GRIK1: variants seen among roughly 807,000 people sequenced by gnomAD.
GRIK1 encodes the protein glutamate ionotropic receptor kainate type subunit 1.
In GRIK1, 69 loss-of-function variants were observed where a neutral mutation model predicts 105.7. That is an observed-to-expected ratio of 0.65 (90% CI 0.54 to 0.80). The LOEUF is 0.80. GRIK1 is among the 30% of genes least tolerant of loss of function. GRIK1 has a pLI of 0.00. For synonymous variants in GRIK1, 438 were observed against 431.3 expected (o/e 1.02, Z -0.19); for missense variants, 1,109 against 1,167.3 (o/e 0.95, Z 0.73).
chr21:29,854,284 G>A (rs146314231), intron 1 of GRIK1, among the ~76,000 whole-genome samples: 3 of 152,076 alleles, frequency 2.0e-5, no homozygotes, highest in Non-Finnish European at 4.4e-5. Context: ...TGTACTCTTT[G>A]CTTTGGTGAT....
intron 1 of GRIK1, among the ~76,000 whole-genome samples, chr21:29,702,884 TG>T (rs11307722): frequency 1 from 152,324 of 152,324 alleles, 76,162 homozygotes; most frequent in Non-Finnish European, 1. Flanking sequence ...TTCTGGCCTC[TG>T]GGGATCTGTG....
At chr21:29,849,182 G>T (rs1042490871) in intron 1 of GRIK1, among the ~76,000 whole-genome samples, 1 of 151,616 alleles carries the variant, frequency 6.6e-6, no homozygotes, top group African/African-American at 2.4e-5. Flanking sequence ...TATTTTATTA[G>T]GTTTTAAAAC....
intron 1 of GRIK1, among the ~76,000 whole-genome samples, chr21:29,758,470 C>T (rs906965416): frequency 1.3e-5 from 2 of 152,098 alleles, no homozygotes; most frequent in African/African-American, 2.4e-5. Context: ...GAGAACAGCA[C>T]GGGAAAGACC....
In GRIK1 at chr21:29,661,902, A is replaced by G. The variant is rs2062971406; in HGVS notation, c.727-7039T>C. Reference sequence around the variant, plus strand: ...TTACACGTGTTAACCACATGCATGTACACAGGTGATAAGCTAACCACAAGT... The same window carrying G: ...TTACACGTGTTAACCACATGCATGTGCACAGGTGATAAGCTAACCACAAGT... On this transcript the variant is annotated intron_variant, in intron 4 of 17. Coordinates refer to ENST00000327783, the MANE Select transcript of GRIK1 (RefSeq NM_001330994.2). 4.6e-5 allele frequency among the ~76,000 whole-genome samples: 7 copies of G among 152,226 alleles called. No homozygotes were observed. In the South Asian group the frequency reaches 1.4e-3, roughly 32 times the overall value.
At chr21:29,590,040 C>T (rs923254311) in intron 10 of GRIK1, among the ~76,000 whole-genome samples, 2 of 152,192 alleles carry the variant, frequency 1.3e-5, no homozygotes, top group South Asian at 4.1e-4. Context: ...CACTTCCCTA[C>T]TACCATGCAT....
intron 7 of GRIK1, among the ~76,000 whole-genome samples, chr21:29,614,116 T>C (rs557495433): frequency 6.6e-6 from 1 of 152,134 alleles, no homozygotes; most frequent in Admixed American, 6.5e-5. Flanking sequence ...GTTTCCTAAA[T>C]GGAGCACTAG....
chr21:29,617,221 G>A (rs563801741), intron 7 of GRIK1, among the ~76,000 whole-genome samples: 3 of 152,278 alleles, frequency 2.0e-5, no homozygotes, highest in Non-Finnish European at 4.4e-5. Flanking sequence ...GGGAGCAATC[G>A]AAGAGTTGCT....
intron 14 of GRIK1, among the ~76,000 whole-genome samples, chr21:29,564,842 C>T (rs926704825): frequency 2.0e-5 from 3 of 152,214 alleles, no homozygotes; most frequent in Non-Finnish European, 2.9e-5. Flanking sequence ...CATTTCTAAA[C>T]GCTTACTCTC....
At chr21:29,838,706 G>A (rs1569147581) in intron 1 of GRIK1, among the ~76,000 whole-genome samples, 1 of 152,206 alleles carries the variant, frequency 6.6e-6, no homozygotes, top group Non-Finnish European at 1.5e-5. Context: ...CCAAAGCTCT[G>A]AGTTTGATAC....
chr21:29,545,395 C>G (rs997306126), intron 16 of GRIK1, among the ~76,000 whole-genome samples: 1 of 152,246 alleles, frequency 6.6e-6, no homozygotes, highest in East Asian at 1.9e-4. Context: ...TAGCTTCCCT[C>G]TGGCTTCCTG....
intron 1 of GRIK1, among the ~76,000 whole-genome samples, chr21:29,739,238 C>G (rs1382341757): frequency 6.6e-6 from 1 of 152,098 alleles, no homozygotes; most frequent in Non-Finnish European, 1.5e-5. Context: ...AGGTAGGTCT[C>G]TCTGGCAAGA....
intron 1 of GRIK1, among the ~76,000 whole-genome samples, chr21:29,854,062 G>A (rs1171382985): frequency 1.3e-5 from 2 of 152,250 alleles, no homozygotes; most frequent in Non-Finnish European, 2.9e-5. Context: ...CTAATGCTGA[G>A]TAATTTATAT....
chr21:29,651,195 T>C lies in GRIK1; in HGVS notation c.877A>G (p.Ile293Val). The C allele has an allele frequency of 4.3e-6, 7 of 1,613,868 alleles. No homozygotes were observed. Among genetic ancestry groups the C allele is most frequent in the Non-Finnish European group, 5.9e-6 (7 of 1,179,724 alleles). The change falls in exon 6 of 18, where the codon ATC (isoleucine) becomes GTC (valine). Residue 293 changes from isoleucine to valine, a missense_variant. Coordinates refer to ENST00000327783, the MANE Select transcript of GRIK1 (RefSeq NM_001330994.2). The stretch of plus-strand genomic sequence containing the variant: ...CTCTCCATGGACCACTTCTCAATGA[T>C]GGATGACACGTGAGGGTTGTCAATG... ...LNIDNPHVSS[I>V]IEKWSMERLQ...
chr21:29,694,383 C>T (rs557188611), intron 1 of GRIK1, among the ~76,000 whole-genome samples: 2 of 152,096 alleles, frequency 1.3e-5, no homozygotes, highest in East Asian at 3.9e-4. Context: ...CTCGACCTCC[C>T]AAAGTTCTGG....
chr21:29,669,947 G>C (rs1316309202), intron 4 of GRIK1, among the ~76,000 whole-genome samples: 1 of 152,102 alleles, frequency 6.6e-6, no homozygotes, highest in East Asian at 1.9e-4. Flanking sequence ...CACATAGAGT[G>C]CTTGGGCCTT....
chr21:29,790,846 T>C (rs563431124), intron 1 of GRIK1, among the ~76,000 whole-genome samples: 5 of 152,342 alleles, frequency 3.3e-5, no homozygotes, highest in Admixed American at 2.6e-4. Context: ...CCACAGTGAA[T>C]GAAGGCTCAT....
At chr21:29,719,805 C>G (rs1341727477) in intron 1 of GRIK1, among the ~76,000 whole-genome samples, 1 of 152,140 alleles carries the variant, frequency 6.6e-6, no homozygotes, top group Non-Finnish European at 1.5e-5. Flanking sequence ...TCCCAAAGGA[C>G]CAGTTGGCAT....
intron 1 of GRIK1, among the ~76,000 whole-genome samples, chr21:29,927,849 C>T (rs1449002905): frequency 2.0e-5 from 3 of 151,718 alleles, no homozygotes; most frequent in Non-Finnish European, 4.4e-5. Context: ...CCAGCCTGGG[C>T]GACAGAGCAA....
At chr21:29,639,116 T>C (rs2062457004) in intron 7 of GRIK1, among the ~76,000 whole-genome samples, 1 of 152,226 alleles carries the variant, frequency 6.6e-6, no homozygotes, top group Non-Finnish European at 1.5e-5. Context: ...AGCTCCTGAC[T>C]CTGTCTTATT....
Sources: gnomAD v4.1 joint callset for allele counts (sites outside exome capture counted in the v4.1 genomes callset) on GRCh38, gnomAD v4.1.1 for gene constraint, MANE v1.5 for transcripts, NCBI Gene and HGNC (gene_info 2026-07-23, HGNC 2026-07-21) for gene names.